The following ARHGEF33 variants were observed in gnomAD, a reference collection of about 807,000 sequenced individuals.
The protein encoded by ARHGEF33 is DH and coiled-coil domain-containing protein ENSP00000381780.
In ARHGEF33, 72 loss-of-function variants were observed where a neutral mutation model predicts 101.9. The observed-to-expected ratio is 0.71, with a 90% CI of 0.58 to 0.86. The LOEUF (loss-of-function observed/expected upper bound fraction) is 0.86. Ranked by LOEUF, ARHGEF33 falls within the 40% of genes least tolerant of loss-of-function variation. The probability of loss-of-function intolerance (pLI) is 0.00; values close to 1 mark genes in which losing one functional copy is unlikely to be tolerated. For synonymous variants in ARHGEF33, 499 were observed against 442.5 expected (o/e 1.13, Z -1.60); for missense variants, 1,169 against 1,111.3 (o/e 1.05, Z -0.74).
intron 2 of ARHGEF33, among the ~76,000 whole-genome samples, chr2:38,910,609 G>A (rs1004995225): frequency 6.6e-6 from 1 of 152,098 alleles, no homozygotes; most frequent in Admixed American, 6.6e-5. Flanking sequence ...GAAATTATTG[G>A]CAACAAATAT....
At chr2:38,900,065 AC>A (rs1666207477) in intron 2 of ARHGEF33, among the ~76,000 whole-genome samples, 1 of 151,994 alleles carries the variant, frequency 6.6e-6, no homozygotes, top group Non-Finnish European at 1.5e-5. Flanking sequence ...GGTGGCATGC[AC>A]CTGTAGTCCC....
intron 13 of ARHGEF33, among the ~76,000 whole-genome samples, chr2:38,955,807 G>A (rs1423359997): frequency 1.3e-5 from 2 of 151,914 alleles, no homozygotes; most frequent in Non-Finnish European, 2.9e-5. Context: ...CTCCGGAGTA[G>A]CTGGGACTAC....
intron 9 of ARHGEF33, among the ~76,000 whole-genome samples, chr2:38,941,495 G>C (rs906652811): frequency 4.6e-5 from 7 of 151,908 alleles, no homozygotes; most frequent in African/African-American, 7.3e-5. Flanking sequence ...TTGCTATTAG[G>C]AAGTCCAGTA....
At chr2:38,936,804 C>G (rs1667143030) in intron 8 of ARHGEF33, 1 of 151,674 alleles carries the variant, frequency 6.6e-6, no homozygotes, top group Non-Finnish European at 1.5e-5. Context: ...GGTGAAACCT[C>G]AGCTCTACTA....
At chr2:38,971,887 G>A (rs1668174011) in intron 17 of ARHGEF33, 1 of 718,572 alleles carries the variant, frequency 1.4e-6, no homozygotes, top group Non-Finnish European at 2.6e-6. Context: ...AACGCAACTG[G>A]TGAAGATTTC....
chr2:38,974,519 GA>G lies in ARHGEF33; in HGVS notation c.*679del, dbSNP rs1668234529. The G allele has an allele frequency of 6.6e-6, 1 of 152,214 alleles. No homozygotes were observed. The highest frequency in any genetic ancestry group is 6.5e-5 in the Admixed American group (1 of 15,284). 9.4% of individuals were successfully genotyped at this position (152,214 alleles called of 1,614,324 possible). ...AGTAAAGGGAACAAGGATTTCTGTAGAAACTGGGGAGAGAGGAAGGCAAAGA... is the reference window on the plus strand; with the variant it reads ...AGTAAAGGGAACAAGGATTTCTGTAGAACTGGGGAGAGAGGAAGGCAAAGA... On this transcript the variant is annotated 3_prime_UTR_variant, in exon 18 of 18. Transcript: ENST00000409978.
intron 2 of ARHGEF33, among the ~76,000 whole-genome samples, chr2:38,900,755 T>C (rs1353488747): frequency 6.6e-6 from 1 of 152,084 alleles, no homozygotes; most frequent in Non-Finnish European, 1.5e-5. Flanking sequence ...AGATTTAAGA[T>C]TAAGGTCCCA....
rs1429158834 is a variant in ARHGEF33, at chr2:38,937,510, G to A, written c.741G>A (p.Gln247=). The change falls in exon 9 of 18, where the codon CAG becomes CAA. Residue 247 remains glutamine, a synonymous_variant. Coordinates refer to ENST00000409978, the MANE Select transcript of ARHGEF33 (RefSeq NM_001145451.5). ...DHPDKLKEAG[Q]GRHSSLENVL... is the part of the protein sequence containing the mutation. ...CAGATAAACTCAAGGAGGCTGGCCA[G>A]GGTAGACACAGCTCCTTGGAAAACG... 1 of 1,550,846 alleles carries A rather than the reference G, an allele frequency of 6.4e-7. No individual in the cohort carries two copies. The highest frequency in any genetic ancestry group is 8.7e-7 in the Non-Finnish European group (1 of 1,146,696).
intron 2 of ARHGEF33, among the ~76,000 whole-genome samples, chr2:38,898,105 C>T (rs1018116632): frequency 1.3e-5 from 2 of 152,150 alleles, no homozygotes; most frequent in African/African-American, 2.4e-5. Context: ...CTAAATAAAT[C>T]ATCATGAGAA....
Position 38,973,787 on chromosome 2 carries a change from T to C in ARHGEF33, c.2557T>C (p.Phe853Leu), listed in dbSNP as rs1352296163. 6.5e-7 allele frequency: 1 copy of C among 1,549,424 alleles called. No homozygotes were observed. Among genetic ancestry groups the C allele is most frequent in the Non-Finnish European group, 8.7e-7 (1 of 1,146,332 alleles). The part of the protein sequence containing the change: ...SMDPSPTKQD[F>L]FRNRLALAND... Reference sequence around the variant, plus strand: ...GGATCCTTCACCCACCAAACAAGATTTCTTCAGAAACCGACTTGCTCTTGC... The same window carrying C: ...GGATCCTTCACCCACCAAACAAGATCTCTTCAGAAACCGACTTGCTCTTGC... Residue 853 changes from phenylalanine to leucine, a missense_variant, in exon 18 of 18, where the codon TTC becomes CTC. Physicochemically the swap from Phe to Leu is conservative, Grantham distance 22 (BLOSUM62 0). Transcript: ENST00000409978.
intron 13 of ARHGEF33, among the ~76,000 whole-genome samples, chr2:38,955,481 C>CTTTTTTTTTTTT (rs3085350): frequency 5.6e-5 from 4 of 71,186 alleles, no homozygotes; most frequent in East Asian, 5.2e-4. Context: ...ATTGAAAAGA[C>CTTTTTTTTTTTT]TTTTTTTTTT....
intron 4 of ARHGEF33, among the ~76,000 whole-genome samples, chr2:38,924,303 C>CTATTCCCTATT (rs1250293889): frequency 6.6e-6 from 1 of 152,098 alleles, no homozygotes; most frequent in African/African-American, 2.4e-5. Context: ...TTAGAAAAGT[C>CTATTCCCTATT]TATTCCCTAT....
intron 5 of ARHGEF33, 29 bp downstream of exon 5, chr2:38,929,100 CA>C (rs1558431255): frequency 6.5e-7 from 1 of 1,528,442 alleles, no homozygotes; most frequent in Admixed American, 2.1e-5. Context: ...TCCCTGCTGA[CA>C]AGAGAATTTT....
intron 9 of ARHGEF33, among the ~76,000 whole-genome samples, chr2:38,938,886 T>C (rs943673966): frequency 1.3e-5 from 2 of 152,358 alleles, no homozygotes; most frequent in Middle Eastern, 3.4e-3. Flanking sequence ...TTAAAAAAGA[T>C]TTATGCATAT....
At chr2:38,909,772 T>C (rs891118061) in intron 2 of ARHGEF33, among the ~76,000 whole-genome samples, 1 of 151,286 alleles carries the variant, frequency 6.6e-6, no homozygotes, top group African/African-American at 2.4e-5. Flanking sequence ...ATCCTAGTTT[T>C]AAGCACTTGT....
intron 2 of ARHGEF33, among the ~76,000 whole-genome samples, chr2:38,896,778 G>A (rs1275725183): frequency 1.3e-5 from 2 of 152,104 alleles, no homozygotes; most frequent in South Asian, 2.1e-4. Context: ...AAATACAAAC[G>A]TGATCATGAC....
At chr2:38,970,619 A>G (rs980538839) in intron 17 of ARHGEF33, among the ~76,000 whole-genome samples, 43 of 152,366 alleles carry the variant, frequency 2.8e-4, no homozygotes, top group African/African-American at 9.9e-4. Flanking sequence ...AGTGTCTTCA[A>G]TGTACTAGGT....
At position 38,921,393 on chromosome 2, in the gene ARHGEF33, G is replaced by C; in HGVS notation, c.45G>C (p.Pro15=). 3 of 1,545,958 alleles carry C rather than the reference G, an allele frequency of 1.9e-6. No individual in the cohort carries two copies. The highest frequency in any genetic ancestry group is 1.8e-6 in the Non-Finnish European group (2 of 1,141,810). The change falls in exon 4 of 18, where the codon CCG becomes CCC. Residue 15 remains proline, a synonymous_variant. Coordinates refer to ENST00000409978, the MANE Select transcript of ARHGEF33 (RefSeq NM_001145451.5). ...KTKQGENEHM[P]VNNPSTQIYQ... ...CTGCAGGAGAGAATGAACATATGCC[G>C]GTGAATAATCCTTCCACGCAGATTT...
intron 5 of ARHGEF33, among the ~76,000 whole-genome samples, 196 bp downstream of exon 5, chr2:38,929,267 A>G (rs1666941093): frequency 6.6e-6 from 1 of 152,126 alleles, no homozygotes; most frequent in Admixed American, 6.5e-5. Context: ...CGTCTCTACT[A>G]AAAATATAAA....
Sources: allele counts gnomAD v4.1 joint callset (sites outside exome capture counted in the v4.1 genomes callset), GRCh38; gene constraint gnomAD v4.1.1; transcripts MANE v1.5; gene names NCBI Gene and HGNC (gene_info 2026-07-23, HGNC 2026-07-21).